Variants in LRRC4C observed in about 807,000 individuals in gnomAD.
LRRC4C encodes leucine-rich repeat-containing protein 4C.
LRRC4C carries 5 observed loss-of-function variants against 33.6 expected under a neutral mutation model. The observed-to-expected ratio is 0.15, with a 90% confidence interval of 0.08 to 0.31. The LOEUF (loss-of-function observed/expected upper bound fraction) is 0.31. Among genes scored for constraint, LRRC4C ranks in the 10% least tolerant of loss-of-function variants. The pLI is 1.00. For synonymous variants in LRRC4C, 329 were observed against 302.0 expected (o/e 1.09, Z -0.93); for missense variants, 560 against 796.7 (o/e 0.70, Z 3.58).
intron 5 of LRRC4C, among the ~76,000 whole-genome samples, chr11:40,153,717 C>A (rs927320883): frequency 6.6e-6 from 1 of 151,678 alleles, no homozygotes; most frequent in East Asian, 1.9e-4. Flanking sequence ...ACAATGTCTT[C>A]GAATTAACCC....
intron 3 of LRRC4C, among the ~76,000 whole-genome samples, chr11:40,394,944 T>C (rs1276072973): frequency 6.6e-6 from 1 of 152,172 alleles, no homozygotes; most frequent in Non-Finnish European, 1.5e-5. Context: ...ATTGAGACTT[T>C]ACCAATTATC....
At chr11:41,424,225 G>A (rs1954964291) in intron 1 of LRRC4C, among the ~76,000 whole-genome samples, 1 of 151,958 alleles carries the variant, frequency 6.6e-6, no homozygotes, top group South Asian at 2.1e-4. Context: ...AGCTAAGAGG[G>A]GAAACAAACA....
At chr11:41,245,906 G>A (rs1333294745) in intron 1 of LRRC4C, among the ~76,000 whole-genome samples, 1 of 152,198 alleles carries the variant, frequency 6.6e-6, no homozygotes. Flanking sequence ...GAGTCTGGCT[G>A]AGGACAGGGA....
In LRRC4C at chr11:40,229,423, C is replaced by T. The variant is rs529212504; in HGVS notation, c.-96+12096G>A. On this transcript the variant is annotated intron_variant, in intron 5 of 6. Transcript: ENST00000528697. ...GAGTAGCTGGGATTACAGGTGCATA[C>T]CACCAGGTCTGGCTAATTTTTGTAT... Among the ~76,000 whole-genome samples, 6 of 152,198 alleles carry T rather than the reference C, an allele frequency of 3.9e-5. No individual in the cohort carries two copies. The South Asian group carries it at 1.0e-3, about 26-fold the overall frequency.
intron 3 of LRRC4C, among the ~76,000 whole-genome samples, chr11:40,451,666 T>A (rs11035850): frequency 0.36 from 54,508 of 151,826 alleles, 10,309 homozygotes; most frequent in East Asian, 0.53. Flanking sequence ...ATTACAGGCA[T>A]AAGCCACTGC....
chr11:40,252,361 C>T (rs1195989076), intron 4 of LRRC4C, among the ~76,000 whole-genome samples: 3 of 151,842 alleles, frequency 2.0e-5, no homozygotes, highest in African/African-American at 4.8e-5. Context: ...TACACACATA[C>T]ACCCCCCTAA....
chr11:40,396,842 A>C (rs1949560501), intron 3 of LRRC4C, among the ~76,000 whole-genome samples: 1 of 152,102 alleles, frequency 6.6e-6, no homozygotes, highest in East Asian at 1.9e-4. Context: ...GATTTGTTGA[A>C]GATGTAAAAA....
chr11:41,237,876 C>T (rs920173823), intron 1 of LRRC4C, among the ~76,000 whole-genome samples: 3 of 152,100 alleles, frequency 2.0e-5, no homozygotes, highest in African/African-American at 4.8e-5. Flanking sequence ...TAAAAAGCTT[C>T]CCACAAATAA....
intron 3 of LRRC4C, among the ~76,000 whole-genome samples, chr11:40,505,531 C>A (rs1024804091): frequency 1.1e-4 from 16 of 152,162 alleles, no homozygotes; most frequent in African/African-American, 3.6e-4. Context: ...AGAATGAACA[C>A]CCACCTCAGT....
intron 2 of LRRC4C, among the ~76,000 whole-genome samples, chr11:40,703,324 G>A (rs962994271): frequency 1.3e-5 from 2 of 152,086 alleles, no homozygotes; most frequent in East Asian, 3.9e-4. Flanking sequence ...AAATGGTCAA[G>A]TAGCCGTGAA....
At chr11:40,613,550 A>T (rs1961449751) in intron 3 of LRRC4C, among the ~76,000 whole-genome samples, 2 of 151,808 alleles carry the variant, frequency 1.3e-5, no homozygotes, top group Admixed American at 1.3e-4. Context: ...CCTCAAAGTC[A>T]TCCATGAGAG....
chr11:40,849,860 C>T (rs374513280), intron 2 of LRRC4C, among the ~76,000 whole-genome samples: 7 of 151,586 alleles, frequency 4.6e-5, no homozygotes, highest in Admixed American at 1.3e-4. Flanking sequence ...CTTTTCTTCA[C>T]ACTTTATTTC....
At chr11:41,293,660 C>T (rs935951733) in intron 1 of LRRC4C, among the ~76,000 whole-genome samples, 3 of 151,984 alleles carry the variant, frequency 2.0e-5, no homozygotes, top group African/African-American at 7.2e-5. Context: ...ACAATGGCCG[C>T]GATCTTAGCT....
At chr11:41,294,787 A>G (rs1376305643) in intron 1 of LRRC4C, among the ~76,000 whole-genome samples, 8 of 152,194 alleles carry the variant, frequency 5.3e-5, no homozygotes, top group Non-Finnish European at 1.0e-4. Context: ...GGGAATTAAC[A>G]AGGATAAGGG....
At chr11:40,712,865 T>C (rs1946534024) in intron 2 of LRRC4C, among the ~76,000 whole-genome samples, 1 of 151,942 alleles carries the variant, frequency 6.6e-6, no homozygotes, top group Non-Finnish European at 1.5e-5. Context: ...TTATTTCATA[T>C]AAGTTCCTTT....
chr11:41,089,724 T>A (rs917121760), intron 1 of LRRC4C, among the ~76,000 whole-genome samples: 1 of 152,138 alleles, frequency 6.6e-6, no homozygotes, highest in South Asian at 2.1e-4. Flanking sequence ...GTTTGGGTGA[T>A]GTATTTTTAG....
chr11:41,163,801 G>A (rs1266684284), intron 1 of LRRC4C, among the ~76,000 whole-genome samples: 4 of 148,724 alleles, frequency 2.7e-5, no homozygotes, highest in African/African-American at 7.4e-5. Flanking sequence ...TAGTAGAGAC[G>A]AGGTTTCACC....
intron 5 of LRRC4C, among the ~76,000 whole-genome samples, chr11:40,197,762 T>C (rs541263929): frequency 1.3e-5 from 2 of 152,346 alleles, no homozygotes; most frequent in African/African-American, 4.8e-5. Flanking sequence ...GAGTATGTTT[T>C]ATCTCAACAA....
At chr11:40,594,551 G>T (rs528589092) in intron 3 of LRRC4C, among the ~76,000 whole-genome samples, 1 of 152,278 alleles carries the variant, frequency 6.6e-6, no homozygotes, top group African/African-American at 2.4e-5. Flanking sequence ...TTGATAATAT[G>T]CAAACATTTT....
Sources: gnomAD v4.1 joint callset for allele counts (sites outside exome capture counted in the v4.1 genomes callset) on GRCh38, gnomAD v4.1.1 for gene constraint, MANE v1.5 for transcripts, NCBI Gene and HGNC (gene_info 2026-07-23, HGNC 2026-07-21) for gene names.